EPS15: variants seen among roughly 807,000 people sequenced by gnomAD.
EPS15 encodes epidermal growth factor receptor pathway substrate 15, also known as epidermal growth factor receptor substrate 15.
EPS15 carries 72 observed loss-of-function variants against 113.8 expected under a neutral mutation model. The ratio of observed to expected loss-of-function variants is 0.63; its 90% CI spans 0.52 to 0.77. The LOEUF (loss-of-function observed/expected upper bound fraction) is 0.77, where lower values mean the gene tolerates loss of function less well. Ranked by LOEUF, EPS15 falls within the 30% of genes least tolerant of loss-of-function variation. The probability of loss-of-function intolerance (pLI) is 0.00; values close to 1 mark genes in which losing one functional copy is unlikely to be tolerated. For missense variants in EPS15, 1,048 were observed against 1,045.8 expected (o/e 1.00, Z -0.03); for synonymous variants, 344 against 363.4 (o/e 0.95, Z 0.61).
intron 11 of EPS15, among the ~76,000 whole-genome samples, chr1:51,443,562 C>T (rs1375305620): frequency 1.3e-5 from 2 of 151,952 alleles, no homozygotes; most frequent in Non-Finnish European, 2.9e-5. Context: ...CAAATAAGGA[C>T]AAAAACTTCT....
intron 2 of EPS15, among the ~76,000 whole-genome samples, chr1:51,473,184 A>T (rs1022365882): frequency 1.3e-5 from 2 of 152,222 alleles, no homozygotes; most frequent in African/African-American, 4.8e-5. Context: ...TACAAATGAG[A>T]AAAGTGAAGC....
chr1:51,362,141 A>C (rs780993180), intron 23 of EPS15, among the ~76,000 whole-genome samples: 1 of 151,902 alleles, frequency 6.6e-6, no homozygotes, highest in Non-Finnish European at 1.5e-5. Flanking sequence ...CCTAAAATGC[A>C]TAAGCTGGTA....
intron 12 of EPS15, among the ~76,000 whole-genome samples, chr1:51,427,086 A>G (rs927891584): frequency 7.9e-5 from 12 of 152,082 alleles, no homozygotes; most frequent in African/African-American, 2.7e-4. Flanking sequence ...AAGAGGGATA[A>G]TAAAACCTGT....
intron 21 of EPS15, among the ~76,000 whole-genome samples, chr1:51,385,927 G>C (rs1415426860): frequency 2.0e-5 from 3 of 152,016 alleles, no homozygotes; most frequent in African/African-American, 7.2e-5. Context: ...TTCAGTTCTG[G>C]AATATGAAAA....
chr1:51,367,472 G>C (rs1452976317), intron 21 of EPS15, among the ~76,000 whole-genome samples: 2 of 152,198 alleles, frequency 1.3e-5, no homozygotes, highest in African/African-American at 4.8e-5. Context: ...AGAATCGCTT[G>C]AACCCAGGAG....
At chr1:51,458,224 G>A (rs1273345004) in intron 8 of EPS15, 4 of 151,366 alleles carry the variant, frequency 2.6e-5, no homozygotes, top group Non-Finnish European at 5.9e-5. Flanking sequence ...ATAAAGGGGT[G>A]TCTACTATTT....
In EPS15 at chr1:51,399,182, C is replaced by G; in HGVS notation, c.1919-17G>C. On this transcript the variant is annotated splice_polypyrimidine_tract_variant and intron_variant, in intron 19 of 24. Transcript: ENST00000371733. ...CAAATGGATCTAAAAAAATAAGGCA[C>G]GAATATAAGAGACAAAAAAAAATTA... 1 of 1,607,948 alleles carries G rather than the reference C, an allele frequency of 6.2e-7. No individual in the cohort carries two copies. The highest frequency in any genetic ancestry group is 8.5e-7 in the Non-Finnish European group (1 of 1,177,180).
intron 21 of EPS15, among the ~76,000 whole-genome samples, chr1:51,366,877 A>G (rs1646519146): frequency 6.6e-6 from 1 of 152,172 alleles, no homozygotes; most frequent in South Asian, 2.1e-4. Context: ...CCTGTAATTG[A>G]TCACCTTTAT....
intron 12 of EPS15, among the ~76,000 whole-genome samples, chr1:51,427,377 G>T (rs903111660): frequency 3.3e-5 from 5 of 152,150 alleles, no homozygotes; most frequent in African/African-American, 1.2e-4. Flanking sequence ...TACTTAGGAG[G>T]TACATAAAAC....
At chr1:51,430,977 TACACACACACACACACACAC>T (rs67920039) in intron 12 of EPS15, among the ~76,000 whole-genome samples, 42 of 122,084 alleles carry the variant, frequency 3.4e-4, no homozygotes, top group East Asian at 5.0e-4. Flanking sequence ...ATTACTTACA[TACACACACACACACACACAC>T]ACACACACAC....
intron 20 of EPS15, among the ~76,000 whole-genome samples, chr1:51,397,422 G>T (rs1183621083): frequency 3.9e-5 from 6 of 152,162 alleles, no homozygotes; most frequent in Admixed American, 3.3e-4. Context: ...ATCTCATGGG[G>T]GACAGGACAA....
intron 8 of EPS15, among the ~76,000 whole-genome samples, chr1:51,449,020 A>G (rs1028999341): frequency 1.3e-5 from 2 of 152,226 alleles, no homozygotes; most frequent in Non-Finnish European, 2.9e-5. Context: ...CAGCCATTGT[A>G]GAAAAGTCTG....
At chr1:51,497,089 T>C (rs577841381) in intron 1 of EPS15, among the ~76,000 whole-genome samples, 5 of 152,372 alleles carry the variant, frequency 3.3e-5, no homozygotes, top group East Asian at 3.9e-4. Context: ...CAATGTTACA[T>C]ATAGAATATT....
At chr1:51,459,289 G>A (rs955106614) in intron 8 of EPS15, 1 of 152,226 alleles carries the variant, frequency 6.6e-6, no homozygotes, top group Admixed American at 6.5e-5. Context: ...CTGAGGTCAG[G>A]AGTTCAAGAG....
rs75007730 is a variant in EPS15 at position 51,504,586 on chromosome 1, A to G, written c.33+14613T>C. Reference sequence around the variant, plus strand: ...AATAATAAAAAGACAACTCAATTTTAAAACAGGCAAAGAATATAAATAGAC... The same window carrying G: ...AATAATAAAAAGACAACTCAATTTTGAAACAGGCAAAGAATATAAATAGAC... On this transcript the variant is annotated intron_variant, in intron 1 of 24. Transcript: ENST00000371733. Among the ~76,000 whole-genome samples the G allele has an allele frequency of 5.4e-3, 829 of 152,242 alleles. 6 individuals carry two copies. The highest frequency in any genetic ancestry group is 0.01 in the Middle Eastern group (3 of 294).
intron 21 of EPS15, among the ~76,000 whole-genome samples, chr1:51,375,376 G>A (rs1646773639): frequency 2.0e-5 from 3 of 152,114 alleles, no homozygotes; most frequent in Non-Finnish European, 4.4e-5. Context: ...TAACATTTAA[G>A]AACAAAAATT....
intron 2 of EPS15, among the ~76,000 whole-genome samples, chr1:51,476,591 CTTCT>C (rs1287750121): frequency 1.3e-5 from 2 of 152,040 alleles, no homozygotes; most frequent in South Asian, 2.1e-4. Context: ...TCTCTCTTTT[CTTCT>C]TTATTAGTCT....
chr1:51,484,564 A>G (rs577846924), intron 1 of EPS15, among the ~76,000 whole-genome samples: 1 of 152,314 alleles, frequency 6.6e-6, no homozygotes, highest in South Asian at 2.1e-4. Context: ...AAGTGCTTTC[A>G]CCACATAAAC....
At chr1:51,460,469 A>C (rs188223077) in intron 8 of EPS15, among the ~76,000 whole-genome samples, 1 of 152,326 alleles carries the variant, frequency 6.6e-6, no homozygotes, top group East Asian at 1.9e-4. Context: ...ATACATTTGA[A>C]GCAAAATTAT....
Sources: allele counts gnomAD v4.1 joint callset (sites outside exome capture counted in the v4.1 genomes callset), GRCh38; gene constraint gnomAD v4.1.1; transcripts MANE v1.5; gene names NCBI Gene and HGNC (gene_info 2026-07-23, HGNC 2026-07-21).